The following ODAD2 variants were observed in gnomAD, a reference collection of about 807,000 sequenced individuals.
ODAD2 encodes the protein outer dynein arm-docking complex subunit 2.
ODAD2 carries 89 observed loss-of-function variants against 106.8 expected under a neutral mutation model. That is an observed-to-expected ratio of 0.83 (90% confidence interval 0.70 to 0.99). The LOEUF is 0.99. Ranked by LOEUF, ODAD2 falls within the 50% of genes least tolerant of loss-of-function variation. ODAD2 has a pLI of 0.00. For missense variants in ODAD2, 1,168 were observed against 1,238.5 expected, an observed-to-expected ratio of 0.94 and a Z score of 0.85; for synonymous variants, 404 against 436.2, an observed-to-expected ratio of 0.93 and a Z score of 0.92.
intron 19 of ODAD2, among the ~76,000 whole-genome samples, chr10:27,820,495 A>C (rs956890318): frequency 3.3e-5 from 5 of 152,076 alleles, no homozygotes; most frequent in Non-Finnish European, 5.9e-5. Context: ...GGAGTCAACC[A>C]GATAAGGGTT....
intron 16 of ODAD2, among the ~76,000 whole-genome samples, chr10:27,912,445 C>T (rs1844075167): frequency 6.6e-6 from 1 of 152,028 alleles, no homozygotes; most frequent in African/African-American, 2.4e-5. Flanking sequence ...CAGCTGTTTG[C>T]TACGTTTCTC....
chr10:27,961,866 A>G (rs1206663030), intron 9 of ODAD2, 151 bp from the exon 10 acceptor site: 1 of 602,910 alleles, frequency 1.7e-6, no homozygotes, highest in Middle Eastern at 4.1e-4. Flanking sequence ...AGAGTTCAAC[A>G]CCAGCCTGGA....
At chr10:27,960,297 AT>A (rs1848034859) in intron 10 of ODAD2, among the ~76,000 whole-genome samples, 1 of 145,640 alleles carries the variant, frequency 6.9e-6, no homozygotes, top group Admixed American at 7.0e-5. Flanking sequence ...TGAAAATATT[AT>A]TTATTTATTT....
At chr10:27,826,255 C>T (rs1837032602) in intron 19 of ODAD2, among the ~76,000 whole-genome samples, 1 of 152,212 alleles carries the variant, frequency 6.6e-6, no homozygotes, top group African/African-American at 2.4e-5. Context: ...TGTTCTCTAT[C>T]ATTCTTCTCC....
chr10:27,998,195 G>A (rs7092735), intron 1 of ODAD2, among the ~76,000 whole-genome samples: 74 of 152,352 alleles, frequency 4.9e-4, no homozygotes, highest in African/African-American at 1.6e-3. Flanking sequence ...TCCACGGGGA[G>A]TCCGCGCATA....
rs1364018270 is a variant in ODAD2 at position 27,949,527 on chromosome 10, C to A, written c.1387-4565G>T. Among the ~76,000 whole-genome samples the A allele has an allele frequency of 2.6e-5, 4 of 152,166 alleles. No individual in the cohort carries two copies. In the East Asian group the frequency reaches 7.7e-4, roughly 29 times the overall value. Reference sequence around the variant, plus strand: ...GTGATGAAATGTCCACCAGTCGGAGCAAACAGTATATGCAAAAACGCAGGG... The same window carrying A: ...GTGATGAAATGTCCACCAGTCGGAGAAAACAGTATATGCAAAAACGCAGGG... On this transcript the variant is annotated intron_variant, in intron 10 of 19. Transcript: ENST00000305242.
intron 16 of ODAD2, among the ~76,000 whole-genome samples, chr10:27,929,369 A>C (rs1014409261): frequency 6.6e-6 from 1 of 152,142 alleles, no homozygotes; most frequent in Non-Finnish European, 1.5e-5. Flanking sequence ...GCATACTTAC[A>C]CATCTGCCCT....
chr10:27,937,699 T>A (rs1846090097), intron 14 of ODAD2, among the ~76,000 whole-genome samples: 1 of 152,194 alleles, frequency 6.6e-6, no homozygotes. Context: ...ATATGTGTCA[T>A]GTGTCACCCA....
chr10:27,896,040 G>A lies in ODAD2; in HGVS notation c.2610+11623C>T, dbSNP rs532650423. On this transcript the variant is annotated intron_variant, in intron 17 of 19. Transcript: ENST00000305242. Reference sequence around the variant, plus strand: ...AATTTCCCTCTCTCTCATTTCAAGCGTTCACTAGACAAGTGTCTTCAACAT... The same window carrying A: ...AATTTCCCTCTCTCTCATTTCAAGCATTCACTAGACAAGTGTCTTCAACAT... 7.2e-5 allele frequency among the ~76,000 whole-genome samples: 11 copies of A among 152,254 alleles called. No individual in the cohort carries two copies. In the South Asian group the frequency reaches 1.0e-3, roughly 14 times the overall value.
In ODAD2 at chr10:27,995,036, A is replaced by C; in HGVS notation, c.107T>G (p.Val36Gly). ...TTTATAGATAAAACTCTCCACAAACACAATAATTTCTTTCAATATCGCTTC... is the reference window on the plus strand; with the variant it reads ...TTTATAGATAAAACTCTCCACAAACCCAATAATTTCTTTCAATATCGCTTC... ...LNEAILKEII[V>G]FVESFIYKHP... Residue 36 changes from valine to glycine, a missense_variant, in exon 2 of 20, where the codon GTG becomes GGG. Coordinates refer to ENST00000305242, the MANE Select transcript of ODAD2 (RefSeq NM_018076.5). 6.2e-7 allele frequency: 1 copy of C among 1,614,180 alleles called. No individual in the cohort carries two copies. Among genetic ancestry groups the C allele is most frequent in the Non-Finnish European group, 8.5e-7 (1 of 1,180,026 alleles).
chr10:27,917,134 G>A (rs1844445381), intron 16 of ODAD2, among the ~76,000 whole-genome samples: 1 of 152,086 alleles, frequency 6.6e-6, no homozygotes, highest in Non-Finnish European at 1.5e-5. Context: ...AGACCAGACA[G>A]CTGAGTCATA....
chr10:27,900,947 T>A (rs144384555), intron 17 of ODAD2, among the ~76,000 whole-genome samples: 2 of 152,030 alleles, frequency 1.3e-5, no homozygotes, highest in African/African-American at 4.8e-5. Flanking sequence ...ACATTCAAAT[T>A]CAGGAAATAC....
chr10:27,952,216 C>T (rs759355578), intron 10 of ODAD2, among the ~76,000 whole-genome samples: 88 of 151,496 alleles, frequency 5.8e-4, no homozygotes, highest in African/African-American at 2.1e-3. Context: ...AATACAATGG[C>T]TATTTGACAT....
chr10:27,854,717 C>T (rs1188898443), intron 19 of ODAD2, among the ~76,000 whole-genome samples: 5 of 152,100 alleles, frequency 3.3e-5, no homozygotes, highest in Admixed American at 3.3e-4. Context: ...GATCGCGCCA[C>T]TGAACTCCAC....
chr10:27,866,273 A>C (rs925139984), intron 17 of ODAD2, among the ~76,000 whole-genome samples: 2 of 152,238 alleles, frequency 1.3e-5, no homozygotes, highest in Non-Finnish European at 2.9e-5. Flanking sequence ...GGAATAAATT[A>C]ACATGTAAAA....
intron 17 of ODAD2, among the ~76,000 whole-genome samples, chr10:27,881,956 A>T (rs921948428): frequency 6.6e-6 from 1 of 152,036 alleles, no homozygotes. Flanking sequence ...GCTTGAGCCC[A>T]GAAGTTCGAG....
intron 6 of ODAD2, among the ~76,000 whole-genome samples, chr10:27,983,641 C>T (rs1476791040): frequency 6.6e-6 from 1 of 152,166 alleles, no homozygotes; most frequent in Non-Finnish European, 1.5e-5. Context: ...ATCAGATTGG[C>T]TTAATGACCT....
chr10:27,975,909 T>C (rs1849161703), intron 7 of ODAD2, among the ~76,000 whole-genome samples: 1 of 152,104 alleles, frequency 6.6e-6, no homozygotes, highest in Admixed American at 6.5e-5. Context: ...CTTAAAATCT[T>C]AGCAAATTAA....
At position 27,966,091 on chromosome 10, in the gene ODAD2, G is replaced by A. The variant is rs571533933; in HGVS notation, c.1238+2832C>T. ...ATTTTATTAATTTGTAAGATTCCAT[G>A]ATTCTCTTAATTTCTTACAGGTTTT... On this transcript the variant is annotated intron_variant, in intron 9 of 19. Transcript: ENST00000305242. Among the ~76,000 whole-genome samples the A allele has an allele frequency of 1.2e-4, 18 of 151,976 alleles. No individual in the cohort carries two copies. The South Asian group carries it at 3.5e-3, about 30-fold the overall frequency.
Sources: gnomAD v4.1 joint callset for allele counts (sites outside exome capture counted in the v4.1 genomes callset) on GRCh38, gnomAD v4.1.1 for gene constraint, MANE v1.5 for transcripts, NCBI Gene and HGNC (gene_info 2026-07-23, HGNC 2026-07-21) for gene names.